The following TM4SF4 variants were observed in gnomAD, a reference collection of about 807,000 sequenced individuals.
The protein encoded by TM4SF4 is transmembrane 4 L six family member 4.
Under a neutral mutation model 24.1 loss-of-function variants are expected in TM4SF4, and 24 were observed. That is an observed-to-expected ratio of 1.00 (90% CI 0.72 to 1.40). TM4SF4 has a LOEUF of 1.40. Ranked by LOEUF, TM4SF4 falls within the 40% of genes most tolerant of loss-of-function variation. The pLI is 0.00. For synonymous variants in TM4SF4, 113 were observed against 97.0 expected (o/e 1.17, Z -0.97); for missense variants, 254 against 254.2 (o/e 1.00, Z 0.01).
At chr3:149,487,816 C>T in intron 3 of TM4SF4, 61 bp downstream of exon 3, 1 of 1,593,234 alleles carries the variant, frequency 6.3e-7, no homozygotes, top group Non-Finnish European at 8.6e-7. Context: ...GATAAATTGC[C>T]CAAGGGGAGA....
chr3:149,479,243 G>A (rs1244332264), intron 2 of TM4SF4, among the ~76,000 whole-genome samples: 2 of 152,040 alleles, frequency 1.3e-5, no homozygotes, highest in East Asian at 1.9e-4. Flanking sequence ...ACTCAGTTAG[G>A]GTCCCTTCCC....
intron 3 of TM4SF4, among the ~76,000 whole-genome samples, chr3:149,497,089 T>C (rs1734324974): frequency 6.6e-6 from 1 of 152,200 alleles, no homozygotes; most frequent in Non-Finnish European, 1.5e-5. Flanking sequence ...GTAAGGGGAA[T>C]GCTTGGGTTC....
intron 2 of TM4SF4, among the ~76,000 whole-genome samples, chr3:149,476,831 T>TTGG (rs1733940580): frequency 7.0e-6 from 1 of 143,870 alleles, no homozygotes; most frequent in Non-Finnish European, 1.5e-5. Flanking sequence ...TTTTTTTTTT[T>TTGG]GAGACAGGGT....
intron 3 of TM4SF4, among the ~76,000 whole-genome samples, 184 bp downstream of exon 3, chr3:149,487,939 T>C (rs1734147652): frequency 1.3e-5 from 2 of 152,188 alleles, no homozygotes; most frequent in South Asian, 4.1e-4. Flanking sequence ...CACCTCTAAT[T>C]GCTCCTTTGA....
rs552167961 is a variant in TM4SF4 at position 149,485,128 on chromosome 3, T to C, written c.265-2491T>C. On this transcript the variant is annotated intron_variant, in intron 2 of 4. Coordinates refer to ENST00000305354, the MANE Select transcript of TM4SF4 (RefSeq NM_004617.4). ...AACTCTAAGGTAATTCCTTCATTTC[T>C]GAGGAATAATGTGAGAGTGAATGAT... 4.6e-5 allele frequency among the ~76,000 whole-genome samples: 7 copies of C among 152,372 alleles called. No homozygotes were observed. The East Asian group carries it at 1.2e-3, about 25-fold the overall frequency.
In TM4SF4 at chr3:149,502,730, C is replaced by A; in HGVS notation, c.*37C>A. On this transcript the variant is annotated 3_prime_UTR_variant, in exon 5 of 5. Transcript: ENST00000305354. ...GAGCTGCTCAGACTCTACAGCATGA[C>A]GACTACAATTTCTTTTCATAAAACT... is the stretch of plus-strand genomic sequence containing the variant. The A allele has an allele frequency of 1.3e-6, 2 of 1,503,442 alleles. No homozygotes were observed. The highest frequency in any genetic ancestry group is 1.8e-6 in the Non-Finnish European group (2 of 1,085,728). 93.1% of individuals were successfully genotyped at this position (1,503,442 alleles called of 1,614,324 possible). A position where few individuals can be genotyped will look rare whatever the true frequency, so the allele number is the denominator to read the frequency against.
intron 2 of TM4SF4, among the ~76,000 whole-genome samples, chr3:149,481,680 T>C (rs1734036814): frequency 6.6e-6 from 1 of 152,170 alleles, no homozygotes; most frequent in Admixed American, 6.5e-5. Context: ...TGGAGACAGC[T>C]GGGATCTGAT....
chr3:149,498,901 G>T lies in TM4SF4; in HGVS notation c.581G>T (p.Gly194Val). Residue 194 changes from glycine to valine, a missense_variant, in exon 4 of 5, where the codon GGC becomes GTC. Gly to Val is a moderately radical substitution (Grantham distance 109, BLOSUM62 -3). Coordinates refer to ENST00000305354, the MANE Select transcript of TM4SF4 (RefSeq NM_004617.4). ...GTLCGDCQCC[G>V]CCGGDGPV is the part of the protein sequence containing the mutation. ...CTCTGTGGGGACTGCCAGTGTTGTG[G>T]CTGCTGTGGGGTAAGTTCAGGCTTT... The T allele has an allele frequency of 6.2e-7, 1 of 1,613,874 alleles. No individual in the cohort carries two copies. The highest frequency in any genetic ancestry group is 8.5e-7 in the Non-Finnish European group (1 of 1,179,806).
At chr3:149,480,749 T>C (rs1734019846) in intron 2 of TM4SF4, among the ~76,000 whole-genome samples, 1 of 152,018 alleles carries the variant, frequency 6.6e-6, no homozygotes, top group Non-Finnish European at 1.5e-5. Context: ...AAATGGAATA[T>C]ATTGAAAGAA....
intron 2 of TM4SF4, among the ~76,000 whole-genome samples, chr3:149,482,614 G>A (rs1734053794): frequency 6.6e-6 from 1 of 152,298 alleles, no homozygotes; most frequent in Middle Eastern, 3.4e-3. Context: ...TGCAATCTCA[G>A]CTCACTGCAA....
chr3:149,489,928 G>A (rs1202502607), intron 3 of TM4SF4, among the ~76,000 whole-genome samples: 1 of 151,880 alleles, frequency 6.6e-6, no homozygotes, highest in South Asian at 2.1e-4. Flanking sequence ...ATTACCTGAA[G>A]GGAGAATGAT....
chr3:149,480,914 A>G (rs1292874874), intron 2 of TM4SF4, among the ~76,000 whole-genome samples: 1 of 151,918 alleles, frequency 6.6e-6, no homozygotes, highest in African/African-American at 2.4e-5. Context: ...GGTGTGCAAG[A>G]GGTTGGCGCG....
At position 149,500,222 on chromosome 3, in the gene TM4SF4, G is replaced by C. The variant is rs571994190; in HGVS notation, c.591+1311G>C. Among the ~76,000 whole-genome samples the C allele has an allele frequency of 2.0e-3, 299 of 151,226 alleles. 2 individuals carry two copies. Among genetic ancestry groups the C allele is most frequent in the African/African-American group, 6.8e-3 (281 of 41,264 alleles). On this transcript the variant is annotated intron_variant, in intron 4 of 4. Transcript: ENST00000305354. ...TACTTAATATACAATTATACAAGGA[G>C]GAAAAAACAAAATTCTGTGAATAGA...
chr3:149,476,792 G>GTTTTTTTTTTTTTT (rs1222196664), intron 2 of TM4SF4, among the ~76,000 whole-genome samples: 1 of 102,854 alleles, frequency 9.7e-6, no homozygotes, highest in Non-Finnish European at 2.2e-5. Context: ...TTTCTTTTCT[G>GTTTTTTTTTTTTTT]TTTTTTTTTG....
At chr3:149,478,973 G>A (rs1733983017) in intron 2 of TM4SF4, among the ~76,000 whole-genome samples, 1 of 152,062 alleles carries the variant, frequency 6.6e-6, no homozygotes, top group Non-Finnish European at 1.5e-5. Context: ...CACCATGTTG[G>A]CCAGGCTGGT....
chr3:149,479,671 GTGGA>G (rs1258731806), intron 2 of TM4SF4, among the ~76,000 whole-genome samples: 1 of 152,194 alleles, frequency 6.6e-6, no homozygotes, highest in Admixed American at 6.5e-5. Flanking sequence ...CGGGGCTTCT[GTGGA>G]GCACTGCAAT....
At chr3:149,489,851 C>A (rs1030323023) in intron 3 of TM4SF4, among the ~76,000 whole-genome samples, 1 of 152,054 alleles carries the variant, frequency 6.6e-6, no homozygotes, top group African/African-American at 2.4e-5. Flanking sequence ...ATAGGGTAAA[C>A]CTTGCAGGCA....
At chr3:149,487,851 C>A in intron 3 of TM4SF4, 96 bp downstream of exon 3, 1 of 1,516,090 alleles carries the variant, frequency 6.6e-7, no homozygotes, top group Non-Finnish European at 9.0e-7. Context: ...ATGTCTTCAT[C>A]CTTATGCAAG....
At chr3:149,475,230 C>T (rs1193387817) in intron 1 of TM4SF4, among the ~76,000 whole-genome samples, 179 bp downstream of exon 1, 1 of 152,142 alleles carries the variant, frequency 6.6e-6, no homozygotes, top group South Asian at 2.1e-4. Context: ...GACAAGGACA[C>T]GTCAGCTAAA....
Sources: gnomAD v4.1 joint callset for allele counts (sites outside exome capture counted in the v4.1 genomes callset) on GRCh38, gnomAD v4.1.1 for gene constraint, MANE v1.5 for transcripts, NCBI Gene and HGNC (gene_info 2026-07-23, HGNC 2026-07-21) for gene names.